The following MTCL1 variants were observed in gnomAD, a reference collection of about 807,000 sequenced individuals.
MTCL1 encodes microtubule cross-linking factor 1.
In MTCL1, 79 loss-of-function variants were observed where a neutral mutation model predicts 141.4. That is an observed-to-expected ratio of 0.56 (90% CI 0.47 to 0.67). MTCL1 has a LOEUF of 0.67. Among genes scored for constraint, MTCL1 ranks in the 30% least tolerant of loss-of-function variants. The pLI, the probability that MTCL1 is intolerant of heterozygous loss-of-function variation, is 0.00. For missense variants in MTCL1, 2,177 were observed against 2,113.9 expected, an observed-to-expected ratio of 1.03 and a Z score of -0.59; for synonymous variants, 914 against 875.8, an observed-to-expected ratio of 1.04 and a Z score of -0.77.
At chr18:8,723,560 G>A (rs886306215) in intron 4 of MTCL1, among the ~76,000 whole-genome samples, 1 of 152,162 alleles carries the variant, frequency 6.6e-6, no homozygotes, top group Non-Finnish European at 1.5e-5. Context: ...TCTCTCTGGA[G>A]CCACCACTCC....
At chr18:8,824,870 C>G in exon 15 of MTCL1, 3 of 1,614,018 alleles carry the variant, frequency 1.9e-6, no homozygotes, top group Middle Eastern at 1.6e-4. Flanking sequence ...ACTACACACC[C>G]AACAGGGGCC....
chr18:8,720,903 A>AG (rs1158039968), intron 4 of MTCL1, among the ~76,000 whole-genome samples: 5 of 151,078 alleles, frequency 3.3e-5, no homozygotes, highest in Non-Finnish European at 7.4e-5. Flanking sequence ...TACAGAGTTA[A>AG]GAAGTAGCTT....
chr18:8,825,382 T>C, exon 15 of MTCL1: 1 of 1,539,396 alleles, frequency 6.5e-7, no homozygotes, highest in Non-Finnish European at 8.7e-7. Context: ...GCCTTCTCTG[T>C]CAGGAATGCC....
chr18:8,821,297 G>A (rs1488889264), intron 13 of MTCL1, among the ~76,000 whole-genome samples, 170 bp from the exon 13 acceptor site: 1 of 152,156 alleles, frequency 6.6e-6, no homozygotes, highest in Non-Finnish European at 1.5e-5. Context: ...TTTGATGATT[G>A]TACTTTAAAG....
intron 4 of MTCL1, among the ~76,000 whole-genome samples, chr18:8,741,930 G>A (rs182388674): frequency 6.6e-5 from 10 of 152,292 alleles, no homozygotes; most frequent in Non-Finnish European, 1.5e-5. Flanking sequence ...GGAAGAGTGG[G>A]TCTGAGGGGA....
intron 4 of MTCL1, among the ~76,000 whole-genome samples, chr18:8,732,867 TG>T (rs752855840): frequency 1.4e-4 from 22 of 152,230 alleles, no homozygotes; most frequent in Non-Finnish European, 2.6e-4. Context: ...ATCGTAGATA[TG>T]CTTTCGTGTG....
rs185843683 is a variant in MTCL1, at chr18:8,780,031, C to T, written c.417+2139C>T. Among the ~76,000 whole-genome samples, 8 of 152,220 alleles carry T rather than the reference C, an allele frequency of 5.3e-5. No individual in the cohort carries two copies. In the East Asian group the frequency reaches 9.6e-4, roughly 18 times the overall value. On this transcript the variant is annotated intron_variant, in intron 5 of 16. Transcript: ENST00000359865. ...GGTGATTTGAGGGCTCTATGGGGAC[C>T]TTCTGCCTGCATGAGGGGGTGCAGA... is the stretch of plus-strand genomic sequence containing the variant.
At chr18:8,769,687 C>T (rs1222502855) in intron 4 of MTCL1, among the ~76,000 whole-genome samples, 2 of 152,084 alleles carry the variant, frequency 1.3e-5, no homozygotes, top group African/African-American at 2.4e-5. Context: ...ACTTGCTGGC[C>T]AGGCTGTTGC....
Position 8,828,643 on chromosome 18 carries a change from C to T in MTCL1, c.4723-265C>T, listed in dbSNP as rs1338198607. Among the ~76,000 whole-genome samples, 2 of 152,180 alleles carry T rather than the reference C, an allele frequency of 1.3e-5. No homozygotes were observed. The highest frequency in any genetic ancestry group is 2.4e-5 in the African/African-American group (1 of 41,428). ...AGAAACTAGAGGGAGGTCTGTGACT[C>T]CTCCATGGAGTTTCCTTCTTCTCTC... On this transcript the variant is annotated intron_variant, in intron 15 of 16. Coordinates refer to ENST00000359865, the Ensembl canonical transcript of MTCL1. The surrounding 1 kb of genome is among the most constrained non-coding windows in gnomAD (Gnocchi z 5.2).
At chr18:8,706,434 A>T (rs1215658099) in exon 1 of MTCL1, 1 of 1,226,496 alleles carries the variant, frequency 8.2e-7, no homozygotes, top group Non-Finnish European at 1.0e-6. Context: ...CAGCCCGAGG[A>T]GCGCCGCCGG....
At chr18:8,820,437 T>C (rs1480231704) in intron 13 of MTCL1, among the ~76,000 whole-genome samples, 1 of 152,100 alleles carries the variant, frequency 6.6e-6, no homozygotes, top group Non-Finnish European at 1.5e-5. Context: ...CTAGGACTCA[T>C]TACCTGTGAA....
At chr18:8,801,510 G>A (rs2076121934) in intron 10 of MTCL1, 1 of 152,142 alleles carries the variant, frequency 6.6e-6, no homozygotes, top group Non-Finnish European at 1.5e-5. Context: ...CCGTGTACTT[G>A]TGGTGGCAGT....
Position 8,828,912 on chromosome 18 carries a change from A to G in MTCL1, c.4727A>G (p.Gln1576Arg). The stretch of plus-strand genomic sequence containing the variant: ...TTCTCTGTCTGTTCTGTCCAGAACC[A>G]AACTGTCTTGCTAACTGCCCCCTGG... The change falls in exon 16 of 17, where the codon CAA becomes CGA. Residue 1576 changes from glutamine to arginine, a missense_variant. Gln to Arg is a conservative substitution (Grantham distance 43). Transcript: ENST00000359865. This position sits in a 1 kb window ranked among gnomAD's most constrained non-coding sequence, Gnocchi z 5.2. 6.2e-7 allele frequency: 1 copy of G among 1,614,222 alleles called. No homozygotes were observed. Among genetic ancestry groups the G allele is most frequent in the Non-Finnish European group, 8.5e-7 (1 of 1,180,044 alleles).
At chr18:8,757,618 G>C (rs1427726630) in intron 4 of MTCL1, among the ~76,000 whole-genome samples, 1 of 152,238 alleles carries the variant, frequency 6.6e-6, no homozygotes, top group Non-Finnish European at 1.5e-5. Flanking sequence ...ACAGGAAGGG[G>C]CGTGTGTGCA....
rs1287956575 is a variant in MTCL1 at position 8,828,997 on chromosome 18, T to C, written c.*18+33T>C. 4 of 1,614,092 alleles carry C rather than the reference T, an allele frequency of 2.5e-6. No individual in the cohort carries two copies. The highest frequency in any genetic ancestry group is 2.2e-5 in the East Asian group (1 of 44,888). On this transcript the variant is annotated intron_variant, in intron 16 of 16. Transcript: ENST00000359865. This position sits in a 1 kb window ranked among gnomAD's most constrained non-coding sequence, Gnocchi z 5.2. Reference sequence around the variant, plus strand: ...CTTCCTTCCTTGTTTCCCAACTGTCTGGAGAGGTCGTGTTGTGTAACTCGC... The same window carrying C: ...CTTCCTTCCTTGTTTCCCAACTGTCCGGAGAGGTCGTGTTGTGTAACTCGC...
At chr18:8,789,535 A>C (rs1250903733) in intron 7 of MTCL1, 2 of 985,332 alleles carry the variant, frequency 2.0e-6, no homozygotes, top group Non-Finnish European at 2.4e-6. Flanking sequence ...TTTGTCAATC[A>C]GTGTGGGATG....
rs891659386 is a variant in MTCL1 at position 8,705,780 on chromosome 18, T to C, written c.120T>C (p.Arg40=). Residue 40 remains arginine (R), a synonymous_variant, in exon 1 of 14, where the codon CGT becomes CGC. Transcript: ENST00000306329. The surrounding 1 kb of genome is among the most constrained non-coding windows in gnomAD (Gnocchi z 5.2). ...TGGCCGAAAGGCGGCGGCTGCACCG[T>C]GCGCCCTCGCCCGCCAGACCCTTCC... 4 of 1,197,240 alleles carry C rather than the reference T, an allele frequency of 3.3e-6. No homozygotes were observed. In the African/African-American group the frequency reaches 4.8e-5, roughly 14 times the overall value. The allele number at this position is 1,197,240 out of a possible 1,614,324, so 74.2% of individuals were successfully genotyped here. A position where few individuals can be genotyped will look rare whatever the true frequency, so the allele number is the denominator to read the frequency against.
Position 8,784,863 on chromosome 18 carries a change from C to T in MTCL1, c.1731+20C>T, listed in dbSNP as rs769189542. 116 of 1,551,766 alleles carry T rather than the reference C, an allele frequency of 7.5e-5. No individual in the cohort carries two copies. The highest frequency in any genetic ancestry group is 1.9e-4 in the South Asian group (16 of 82,496). On this transcript the variant is annotated intron_variant, in intron 6 of 16. Coordinates refer to ENST00000359865, the Ensembl canonical transcript of MTCL1. ...TTGCAGGTAAGGGGGCTCGTGGCTT[C>T]GCCTCCCTGCTCCGCCTTGCTCTTC...
At chr18:8,786,421 A>C in intron 7 of MTCL1, 1 of 533,706 alleles carries the variant, frequency 1.9e-6, no homozygotes, top group Non-Finnish European at 3.6e-6. Flanking sequence ...GCAGAGAAAG[A>C]AGGGATGAAA....
Sources: allele counts gnomAD v4.1 joint callset (sites outside exome capture counted in the v4.1 genomes callset), GRCh38; gene constraint gnomAD v4.1.1; non-coding constraint Gnocchi (gnomAD v3.1); transcripts MANE v1.5; gene names NCBI Gene and HGNC (gene_info 2026-07-23, HGNC 2026-07-21).